CLSTN2: variants seen among roughly 807,000 people sequenced by gnomAD.
CLSTN2 encodes calsyntenin 2.
CLSTN2 carries 48 observed loss-of-function variants against 101.2 expected under a neutral mutation model. The observed-to-expected ratio is 0.47, with a 90% CI of 0.38 to 0.60. CLSTN2 has a LOEUF of 0.60. CLSTN2 is among the 20% of genes least tolerant of loss of function. The probability of loss-of-function intolerance (pLI) is 0.00; values close to 1 mark genes in which losing one functional copy is unlikely to be tolerated. For synonymous variants in CLSTN2, 481 were observed against 463.6 expected (o/e 1.04, Z -0.48); for missense variants, 1,160 against 1,238.2 (o/e 0.94, Z 0.95).
At chr3:140,263,749 C>G (rs1304463617) in intron 2 of CLSTN2, among the ~76,000 whole-genome samples, 2 of 151,998 alleles carry the variant, frequency 1.3e-5, no homozygotes, top group African/African-American at 4.8e-5. Context: ...AAAATTGGGT[C>G]CTTATTAAAA....
chr3:140,399,204 T>C (rs1241148071), intron 2 of CLSTN2, among the ~76,000 whole-genome samples: 33 of 152,238 alleles, frequency 2.2e-4, no homozygotes, highest in Admixed American at 2.2e-3. Context: ...GAAAATGATA[T>C]CTTTATATGA....
At chr3:140,366,139 A>G (rs1054456356) in intron 2 of CLSTN2, among the ~76,000 whole-genome samples, 1 of 152,240 alleles carries the variant, frequency 6.6e-6, no homozygotes, top group Non-Finnish European at 1.5e-5. Flanking sequence ...GCACACGTGC[A>G]CACTTTCCCT....
intron 2 of CLSTN2, among the ~76,000 whole-genome samples, chr3:140,361,621 G>A (rs2087731511): frequency 6.6e-6 from 1 of 152,074 alleles, no homozygotes; most frequent in African/African-American, 2.4e-5. Flanking sequence ...GAATAAACAA[G>A]TTCAGCAAGA....
chr3:140,172,627 C>T (rs1272144426), intron 1 of CLSTN2, among the ~76,000 whole-genome samples: 1 of 152,118 alleles, frequency 6.6e-6, no homozygotes, highest in African/African-American at 2.4e-5. Context: ...AAGACATACT[C>T]AAGACTAGGC....
At chr3:140,116,791 G>A (rs920813234) in intron 1 of CLSTN2, among the ~76,000 whole-genome samples, 7 of 152,078 alleles carry the variant, frequency 4.6e-5, no homozygotes, top group Non-Finnish European at 1.0e-4. Flanking sequence ...AGCCTGAGTT[G>A]GTATGCTTGT....
chr3:140,106,694 C>A (rs2009064755), intron 1 of CLSTN2, among the ~76,000 whole-genome samples: 1 of 152,148 alleles, frequency 6.6e-6, no homozygotes, highest in African/African-American at 2.4e-5. Flanking sequence ...TATTCAAGGA[C>A]CCTGTTATTT....
At chr3:140,115,281 G>A (rs911034326) in intron 1 of CLSTN2, among the ~76,000 whole-genome samples, 3 of 152,172 alleles carry the variant, frequency 2.0e-5, no homozygotes, top group African/African-American at 7.2e-5. Flanking sequence ...ACACCATAGT[G>A]GGGTACATGA....
intron 1 of CLSTN2, among the ~76,000 whole-genome samples, chr3:140,044,716 C>A (rs145250071): frequency 3.4e-4 from 51 of 152,028 alleles, no homozygotes; most frequent in African/African-American, 7.2e-5. Flanking sequence ...CAATACCTAA[C>A]TTATTGAGAG....
chr3:140,095,193 G>C (rs984064086), intron 1 of CLSTN2, among the ~76,000 whole-genome samples: 1 of 152,166 alleles, frequency 6.6e-6, no homozygotes, highest in Non-Finnish European at 1.5e-5. Context: ...AAGGATGTCT[G>C]GGGGCTAGGA....
intron 2 of CLSTN2, among the ~76,000 whole-genome samples, chr3:140,283,635 G>T (rs1043778990): frequency 6.6e-6 from 1 of 152,162 alleles, no homozygotes. Context: ...AGGTCTCAGG[G>T]TCTTGGCTAT....
intron 1 of CLSTN2, among the ~76,000 whole-genome samples, chr3:140,165,071 T>C (rs1423985783): frequency 6.6e-6 from 1 of 152,230 alleles, no homozygotes; most frequent in Non-Finnish European, 1.5e-5. Flanking sequence ...GTCCTTCAAA[T>C]ACTTTTTCAA....
chr3:140,527,613 C>T (rs1488932000), intron 8 of CLSTN2, among the ~76,000 whole-genome samples: 1 of 152,168 alleles, frequency 6.6e-6, no homozygotes, highest in African/African-American at 2.4e-5. Flanking sequence ...AAGACACATG[C>T]ATTTGTATGT....
In CLSTN2 at chr3:140,571,497, G is replaced by T. The variant is rs1211018787; in HGVS notation, c.*5244G>T. 1 of 152,226 alleles carries T rather than the reference G, an allele frequency of 6.6e-6. No homozygotes were observed. 9.4% of individuals were successfully genotyped at this position (152,226 alleles called of 1,614,324 possible). Reference sequence around the variant, plus strand: ...TAAGATAACGTTTAGGCCTCTGGGGGATCCCCAAAGCCTTCTGCAATGTAC... The same window carrying T: ...TAAGATAACGTTTAGGCCTCTGGGGTATCCCCAAAGCCTTCTGCAATGTAC... On this transcript the variant is annotated 3_prime_UTR_variant, in exon 17 of 17. Coordinates refer to ENST00000458420, the MANE Select transcript of CLSTN2 (RefSeq NM_022131.3).
At position 140,419,682 on chromosome 3, in the gene CLSTN2, C is replaced by T. The variant is rs1257685320; in HGVS notation, c.638-1443C>T. On this transcript the variant is annotated intron_variant, in intron 4 of 16. Coordinates refer to ENST00000458420, the MANE Select transcript of CLSTN2 (RefSeq NM_022131.3). ...ATATACATATATGAATATGTATATA[C>T]GTATATATACGTATATGAATATGTA... Among the ~76,000 whole-genome samples, 5 of 56,616 alleles carry T rather than the reference C, an allele frequency of 8.8e-5. 1 individual carries two copies. The highest frequency in any genetic ancestry group is 4.7e-4 in the South Asian group (1 of 2,148). The allele number at this position is 56,616 out of a possible 152,430, so 37.1% of individuals were successfully genotyped here.
intron 2 of CLSTN2, among the ~76,000 whole-genome samples, chr3:140,345,416 T>A (rs560860088): frequency 1.3e-5 from 2 of 151,706 alleles, no homozygotes; most frequent in East Asian, 2.0e-4. Context: ...GCCCAGCTAA[T>A]TTTTTGTATC....
chr3:140,098,926 C>T (rs1014707903), intron 1 of CLSTN2, among the ~76,000 whole-genome samples: 1 of 152,154 alleles, frequency 6.6e-6, no homozygotes, highest in Non-Finnish European at 1.5e-5. Flanking sequence ...ATCACAAATC[C>T]AGGCCTCTCC....
At chr3:140,383,420 T>C (rs953696743) in intron 2 of CLSTN2, among the ~76,000 whole-genome samples, 6 of 152,242 alleles carry the variant, frequency 3.9e-5, no homozygotes, top group Admixed American at 3.9e-4. Flanking sequence ...GATTGAATTC[T>C]AAGCTTATCG....
intron 4 of CLSTN2, among the ~76,000 whole-genome samples, chr3:140,410,164 G>A (rs1281858842): frequency 6.6e-6 from 1 of 152,014 alleles, no homozygotes; most frequent in Non-Finnish European, 1.5e-5. Flanking sequence ...CAAATATGGA[G>A]AGAGATATGG....
chr3:140,047,505 A>T (rs929185569), intron 1 of CLSTN2, among the ~76,000 whole-genome samples: 2 of 152,212 alleles, frequency 1.3e-5, no homozygotes, highest in African/African-American at 4.8e-5. Flanking sequence ...TAATTTAGGA[A>T]GGAAACTCTA....
Sources: allele counts gnomAD v4.1 joint callset (sites outside exome capture counted in the v4.1 genomes callset), GRCh38; gene constraint gnomAD v4.1.1; transcripts MANE v1.5; gene names NCBI Gene and HGNC (gene_info 2026-07-23, HGNC 2026-07-21).